Variants in ABCG2 observed in about 807,000 individuals in gnomAD.
ABCG2 encodes the protein ATP binding cassette subfamily G member 2 (JR blood group).
A neutral mutation model predicts 73.5 loss-of-function variants in ABCG2; 80 were observed. The ratio of observed to expected loss-of-function variants is 1.09; its 90% confidence interval spans 0.91 to 1.31. ABCG2 has a LOEUF of 1.31. Ranked by LOEUF, ABCG2 falls within the 50% of genes most tolerant of loss-of-function variation. The probability of loss-of-function intolerance (pLI) is 0.00; values close to 1 mark genes in which losing one functional copy is unlikely to be tolerated. For synonymous variants in ABCG2, 269 were observed against 282.4 expected (o/e 0.95, Z 0.48); for missense variants, 796 against 786.2 (o/e 1.01, Z -0.15).
At chr4:88,176,372 C>T (rs1727974196) in intron 1 of ABCG2, among the ~76,000 whole-genome samples, 2 of 150,834 alleles carry the variant, frequency 1.3e-5, no homozygotes, top group African/African-American at 2.4e-5. Context: ...TATAATTAAT[C>T]TTTTTATTTA....
intron 6 of ABCG2, among the ~76,000 whole-genome samples, chr4:88,119,831 T>C (rs1183707473): frequency 1.3e-5 from 2 of 152,140 alleles, no homozygotes; most frequent in African/African-American, 2.4e-5. Context: ...AAGCGGAGCA[T>C]ACAAGCTCAG....
At chr4:88,108,747 C>T (rs1298745217) in intron 9 of ABCG2, among the ~76,000 whole-genome samples, 1 of 152,124 alleles carries the variant, frequency 6.6e-6, no homozygotes, top group Non-Finnish European at 1.5e-5. Context: ...TCTGTGATAA[C>T]TAGTTTGTGA....
intron 1 of ABCG2, among the ~76,000 whole-genome samples, chr4:88,151,585 A>C (rs2110072822): frequency 6.6e-6 from 1 of 152,118 alleles, no homozygotes; most frequent in South Asian, 2.1e-4. Flanking sequence ...AAAAATACAA[A>C]AAAGTAGCTG....
chr4:88,211,687 G>A (rs1729607472), intron 1 of ABCG2, among the ~76,000 whole-genome samples: 1 of 152,170 alleles, frequency 6.6e-6, no homozygotes, highest in Non-Finnish European at 1.5e-5. Flanking sequence ...GAAGTGCTGG[G>A]ATTACAGGCG....
At chr4:88,121,120 A>C (rs924288312) in intron 6 of ABCG2, among the ~76,000 whole-genome samples, 3 of 152,198 alleles carry the variant, frequency 2.0e-5, no homozygotes, top group African/African-American at 4.8e-5. Context: ...GTAGGTCAAC[A>C]ATTTCAGTAC....
chr4:88,153,172 G>A (rs1410775176), intron 1 of ABCG2, among the ~76,000 whole-genome samples: 1 of 151,962 alleles, frequency 6.6e-6, no homozygotes, highest in African/African-American at 2.4e-5. Context: ...ATAGCACCAG[G>A]AGATATCAGC....
intron 2 of ABCG2, among the ~76,000 whole-genome samples, chr4:88,134,684 C>T (rs1053169339): frequency 6.6e-6 from 1 of 152,130 alleles, no homozygotes; most frequent in African/African-American, 2.4e-5. Flanking sequence ...AATGATTAAC[C>T]CAAACCTCAA....
chr4:88,213,514 G>C (rs1248730562), intron 1 of ABCG2, among the ~76,000 whole-genome samples: 1 of 151,848 alleles, frequency 6.6e-6, no homozygotes, highest in Non-Finnish European at 1.5e-5. Flanking sequence ...AAGGCCTAAG[G>C]CAATGTCTCT....
At chr4:88,219,738 C>T (rs113740839) in intron 1 of ABCG2, among the ~76,000 whole-genome samples, 1 of 144,074 alleles carries the variant, frequency 6.9e-6, no homozygotes, top group Non-Finnish European at 1.5e-5. Flanking sequence ...CACAGTGCCA[C>T]GCCTGGCTAT....
At chr4:88,095,723 T>G in intron 13 of ABCG2, 114 bp from the exon 14 acceptor site, 1 of 815,326 alleles carries the variant, frequency 1.2e-6, no homozygotes. Context: ...TAAAACCAAC[T>G]CTTTCTTGAA....
intron 5 of ABCG2, among the ~76,000 whole-genome samples, chr4:88,128,148 G>T (rs1724568522): frequency 6.6e-6 from 1 of 152,146 alleles, no homozygotes; most frequent in Non-Finnish European, 1.5e-5. Context: ...AGACATTTAT[G>T]TAGCCAGCAA....
At chr4:88,156,183 T>G (rs534251687) in intron 1 of ABCG2, among the ~76,000 whole-genome samples, 16 of 151,972 alleles carry the variant, frequency 1.1e-4, no homozygotes, top group African/African-American at 3.4e-4. Flanking sequence ...GAGACCAGCC[T>G]GGCCAACATG....
At chr4:88,228,221 A>G (rs934255333) in intron 1 of ABCG2, among the ~76,000 whole-genome samples, 2 of 152,080 alleles carry the variant, frequency 1.3e-5, no homozygotes, top group African/African-American at 2.4e-5. Context: ...TCCCTAGGGG[A>G]ACTCTATTTT....
In ABCG2 at chr4:88,095,506, C is replaced by T. The variant is rs757548242; in HGVS notation, c.1737+14G>A. On this transcript the variant is annotated intron_variant, in intron 14 of 15. Transcript: ENST00000237612. ...TTGGGAATGCAGTCACAGTGACAGACAAGGAAGACATACCGTAAATCCATA... is the reference window on the plus strand; with the variant it reads ...TTGGGAATGCAGTCACAGTGACAGATAAGGAAGACATACCGTAAATCCATA... 6.2e-7 allele frequency: 1 copy of T among 1,604,986 alleles called. No individual in the cohort carries two copies. The highest frequency in any genetic ancestry group is 8.5e-7 in the Non-Finnish European group (1 of 1,172,034).
chr4:88,207,312 A>G (rs1268586858), intron 1 of ABCG2, among the ~76,000 whole-genome samples: 2 of 152,048 alleles, frequency 1.3e-5, no homozygotes, highest in East Asian at 3.9e-4. Flanking sequence ...GATTTTTTTT[A>G]AATAACATTT....
At chr4:88,219,938 T>A (rs1055454258) in intron 1 of ABCG2, among the ~76,000 whole-genome samples, 1 of 151,630 alleles carries the variant, frequency 6.6e-6, no homozygotes, top group African/African-American at 2.4e-5. Flanking sequence ...ATCACTACCA[T>A]CCATCTCTAG....
intron 1 of ABCG2, among the ~76,000 whole-genome samples, chr4:88,169,448 T>G (rs1560734187): frequency 6.6e-6 from 1 of 152,228 alleles, no homozygotes; most frequent in Non-Finnish European, 1.5e-5. Flanking sequence ...CTTATCTTTA[T>G]GAGGATTCCA....
intron 1 of ABCG2, among the ~76,000 whole-genome samples, chr4:88,143,285 C>A (rs1725765464): frequency 6.6e-6 from 1 of 152,106 alleles, no homozygotes; most frequent in African/African-American, 2.4e-5. Context: ...AGGTTTTAAA[C>A]CATCTCCCCA....
chr4:88,137,365 T>A (rs1451616641), intron 2 of ABCG2, among the ~76,000 whole-genome samples: 1 of 152,030 alleles, frequency 6.6e-6, no homozygotes, highest in East Asian at 1.9e-4. Context: ...TAGAATGGAG[T>A]TCTGGAATAA....
Sources: allele counts gnomAD v4.1 joint callset (sites outside exome capture counted in the v4.1 genomes callset), GRCh38; gene constraint gnomAD v4.1.1; transcripts MANE v1.5; gene names NCBI Gene and HGNC (gene_info 2026-07-23, HGNC 2026-07-21).